TCF20: variants seen among roughly 807,000 people sequenced by gnomAD.
TCF20 encodes the protein transcription factor 20, also known as SPRE-binding protein.
TCF20 carries 3 observed loss-of-function variants against 148.6 expected under a neutral mutation model. That is an observed-to-expected ratio of 0.02 (90% confidence interval 0.01 to 0.05). The LOEUF is 0.05. TCF20 is among the 10% of genes least tolerant of loss of function. The probability of loss-of-function intolerance (pLI) is 1.00; values close to 1 mark genes in which losing one functional copy is unlikely to be tolerated. For synonymous variants in TCF20, 1,049 were observed against 909.5 expected (o/e 1.15, Z -2.76); for missense variants, 2,350 against 2,429.3 (o/e 0.97, Z 0.69).
chr22:42,212,907 C>T lies in TCF20; in HGVS notation c.2399G>A (p.Ser800Asn), dbSNP rs1033585471. 3.7e-6 allele frequency: 6 copies of T among 1,614,062 alleles called. No homozygotes were observed. The Admixed American group carries it at 6.7e-5, about 18-fold the overall frequency. ...AATGCTTTTGTTCAGAAGGCCCCTGCTAGCTAATTCATTGGTTTGACTAAC... is the reference window on the plus strand; with the variant it reads ...AATGCTTTTGTTCAGAAGGCCCCTGTTAGCTAATTCATTGGTTTGACTAAC... ...VLVSQTNELASRGLLNKSIGS... is the reference protein window; with the variant it reads ...VLVSQTNELANRGLLNKSIGS... The change falls in exon 2 of 6, where the codon AGC becomes AAC. Residue 800 changes from serine to asparagine, a missense_variant. Ser to Asn is a conservative substitution (Grantham distance 46). This residue lies in a region of TCF20 where 1,641 missense variants were observed against 1,662.6 expected (regional missense o/e 0.99). Transcript: ENST00000677622.
At chr22:42,207,133 A>G (rs970302948) in intron 2 of TCF20, among the ~76,000 whole-genome samples, 2 of 152,170 alleles carry the variant, frequency 1.3e-5, no homozygotes, top group African/African-American at 4.8e-5. Flanking sequence ...CATTAGCCCA[A>G]AGTTTCTAAG....
In TCF20 at chr22:42,210,054, A is replaced by T. The variant is rs758159329; in HGVS notation, c.5252T>A (p.Val1751Glu). Residue 1751 changes from valine to glutamate, a missense_variant, in exon 2 of 6, where the codon GTA (valine) becomes GAA (glutamate). Val to Glu is a moderately radical substitution (Grantham distance 121, BLOSUM62 -2). Transcript: ENST00000677622. This position sits in a 1 kb window ranked among gnomAD's most constrained non-coding sequence, Gnocchi z 4.7. The stretch of plus-strand genomic sequence containing the variant: ...GCCATTAGAAGCACTTTTGTGCCGT[A>T]CCTTAACTTTGCTCTGCATTTCTGT... ...RATEMQSKVK[V>E]RHKSASNGSK... is the part of the protein sequence containing the mutation. 1.2e-6 allele frequency: 2 copies of T among 1,613,292 alleles called. No individual in the cohort carries two copies. The highest frequency in any genetic ancestry group is 1.7e-6 in the Non-Finnish European group (2 of 1,180,016).
chr22:42,296,037 T>C (rs1480333974), intron 1 of TCF20, among the ~76,000 whole-genome samples: 1 of 152,236 alleles, frequency 6.6e-6, no homozygotes, highest in Non-Finnish European at 1.5e-5. Flanking sequence ...TAGCTATAGA[T>C]GGATCTGTTT....
In TCF20 at chr22:42,299,289, G is replaced by C. The variant is rs1053735686; in HGVS notation, c.-37+44190C>G. Among the ~76,000 whole-genome samples, 1 of 152,078 alleles carries C rather than the reference G, an allele frequency of 6.6e-6. No individual in the cohort carries two copies. The highest frequency in any genetic ancestry group is 2.4e-5 in the African/African-American group (1 of 41,382). On this transcript the variant is annotated intron_variant, in intron 1 of 1. Transcript: ENST00000515426. The surrounding 1 kb of genome is among the most constrained non-coding windows in gnomAD (Gnocchi z 4.1). ...GGAGGTGAGGCCATGTCTGGCTGGG[G>C]GTGCAGGAACTGAGGGTCCTTCCCA...
intron 1 of TCF20, among the ~76,000 whole-genome samples, chr22:42,305,722 G>A (rs1353883464): frequency 1.3e-5 from 2 of 152,162 alleles, no homozygotes; most frequent in Non-Finnish European, 2.9e-5. Context: ...TGGCCTGACA[G>A]TGGCCCCTGG....
At chr22:42,205,928 T>C (rs763414713) in intron 2 of TCF20, among the ~76,000 whole-genome samples, 3 of 152,174 alleles carry the variant, frequency 2.0e-5, no homozygotes, top group Non-Finnish European at 4.4e-5. Context: ...CCTGTCACCA[T>C]GTCCAGCTAA....
intron 3 of TCF20, among the ~76,000 whole-genome samples, chr22:42,174,127 A>G (rs1936297692): frequency 6.6e-6 from 1 of 152,108 alleles, no homozygotes; most frequent in African/African-American, 2.4e-5. Context: ...CTTCCAAAAA[A>G]TCCCAACCAT....
chr22:42,242,350 A>G (rs1053508224), intron 1 of TCF20, among the ~76,000 whole-genome samples: 1 of 152,026 alleles, frequency 6.6e-6, no homozygotes, highest in Non-Finnish European at 1.5e-5. Flanking sequence ...CAGAACAAAT[A>G]AGAGATATCA....
chr22:42,243,310 A>AAAAAAAAAAAAAAAAAAACAAAAAAAAAC (rs1569180401), intron 1 of TCF20, among the ~76,000 whole-genome samples: 1 of 140,864 alleles, frequency 7.1e-6, no homozygotes, highest in African/African-American at 3.0e-5. Flanking sequence ...AAAAAAAAAA[A>AAAAAAAAAAAAAAAAAAACAAAAAAAAAC]AAAAAAAAAA....
At chr22:42,238,462 TTTC>T (rs1383744132) in intron 1 of TCF20, among the ~76,000 whole-genome samples, 1 of 152,256 alleles carries the variant, frequency 6.6e-6, no homozygotes, top group African/African-American at 2.4e-5. Flanking sequence ...TACTTTTAAC[TTTC>T]TTCAAGAACC....
intron 1 of TCF20, among the ~76,000 whole-genome samples, chr22:42,229,024 G>C (rs1923158575): frequency 6.6e-6 from 1 of 152,202 alleles, no homozygotes; most frequent in South Asian, 2.1e-4. Flanking sequence ...TGAACAAAAA[G>C]ATTTAAAACC....
intron 2 of TCF20, among the ~76,000 whole-genome samples, chr22:42,208,205 G>A (rs1938520217): frequency 1.3e-5 from 2 of 151,854 alleles, no homozygotes; most frequent in Non-Finnish European, 2.9e-5. Flanking sequence ...ACGTTATAAT[G>A]TATTCAAAAA....
intron 2 of TCF20, among the ~76,000 whole-genome samples, chr22:42,185,503 G>A (rs561805929): frequency 6.6e-6 from 1 of 152,230 alleles, no homozygotes; most frequent in East Asian, 1.9e-4. Flanking sequence ...CAAGGTATGT[G>A]TTCATTTTTG....
chr22:42,286,101 C>A (rs1418827501), upstream of TCF20, among the ~76,000 whole-genome samples: 1 of 152,214 alleles, frequency 6.6e-6, no homozygotes, highest in Non-Finnish European at 1.5e-5. Flanking sequence ...GCCTGCCTCA[C>A]CCTATGTGAA....
At chr22:42,237,916 G>A (rs1202369238) in intron 1 of TCF20, among the ~76,000 whole-genome samples, 1 of 152,202 alleles carries the variant, frequency 6.6e-6, no homozygotes, top group Non-Finnish European at 1.5e-5. Flanking sequence ...ACAGAGCACA[G>A]GCAGAGTAGA....
chr22:42,216,058 TG>T (rs1921746118), intron 1 of TCF20, among the ~76,000 whole-genome samples: 2 of 119,782 alleles, frequency 1.7e-5, no homozygotes, highest in Non-Finnish European at 3.5e-5. Flanking sequence ...GGAGGGGGTG[TG>T]GGGTAAGAAA....
rs1334627396 is a variant in TCF20, at chr22:42,210,817, C to T, written c.4489G>A (p.Val1497Ile). The part of the protein sequence containing the change: ...APLIFPDSKN[V>I]PPVGILAPEA... ...GGGGCCAATATGCCCACTGGAGGTA[C>T]ATTCTTTGAGTCTGGAAAGATTAAA... The change falls in exon 2 of 6, where the codon GTA becomes ATA. Residue 1497 changes from valine to isoleucine, a missense_variant. Val to Ile is a conservative substitution (Grantham distance 29). Around this residue, in one of 7 missense-constraint regions of TCF20, gnomAD observed 231 missense variants for 213.7 expected, o/e 1.08. Coordinates refer to ENST00000677622, the MANE Select transcript of TCF20 (RefSeq NM_001378418.1). The surrounding 1 kb of genome is among the most constrained non-coding windows in gnomAD (Gnocchi z 4.7). 3 of 1,614,190 alleles carry T rather than the reference C, an allele frequency of 1.9e-6. No homozygotes were observed. The highest frequency in any genetic ancestry group is 1.7e-5 in the Admixed American group (1 of 60,024).
intron 1 of TCF20, among the ~76,000 whole-genome samples, chr22:42,343,163 G>A (rs1054343863): frequency 1.3e-5 from 2 of 152,168 alleles, no homozygotes; most frequent in African/African-American, 4.8e-5. Flanking sequence ...GCGGCCCCAG[G>A]GGCAAATCCC....
At chr22:42,280,563 G>T (rs1038853597) in intron 1 of TCF20, among the ~76,000 whole-genome samples, 1 of 152,212 alleles carries the variant, frequency 6.6e-6, no homozygotes, top group Non-Finnish European at 1.5e-5. Context: ...GGCTCAGGGT[G>T]GGGAGAGACT....
Sources: gnomAD v4.1 joint callset for allele counts (sites outside exome capture counted in the v4.1 genomes callset) on GRCh38, gnomAD v4.1.1 for gene constraint, gnomAD v4.1.1 regional missense constraint, Gnocchi (gnomAD v3.1) non-coding constraint, MANE v1.5 for transcripts, NCBI Gene and HGNC (gene_info 2026-07-23, HGNC 2026-07-21) for gene names.